The following WDR18 variants were observed in gnomAD, a reference collection of about 807,000 sequenced individuals.
WDR18 encodes WD repeat domain 18.
A neutral mutation model predicts 49.6 loss-of-function variants in WDR18; 33 were observed. The observed-to-expected ratio is 0.67, with a 90% CI of 0.50 to 0.89. The LOEUF (loss-of-function observed/expected upper bound fraction) is 0.89, where lower values mean the gene tolerates loss of function less well. Among genes scored for constraint, WDR18 ranks in the 40% least tolerant of loss-of-function variants. WDR18 has a pLI of 0.00. For missense variants in WDR18, 653 were observed against 593.6 expected, an observed-to-expected ratio of 1.10 and a Z score of -1.04; for synonymous variants, 315 against 263.6, an observed-to-expected ratio of 1.19 and a Z score of -1.89.
At chr19:984,774 G>C (rs1229963860) in intron 1 of WDR18, among the ~76,000 whole-genome samples, 2 of 151,916 alleles carry the variant, frequency 1.3e-5, no homozygotes, top group East Asian at 3.9e-4. Flanking sequence ...GCGGGGCTCA[G>C]GCCTGAGCTG....
In WDR18 at chr19:991,803, G is replaced by C. The variant is rs1378297853; in HGVS notation, c.932-152G>C. Reference sequence around the variant, plus strand: ...TGGGGCCTGGCTGGGGGCGTGGACTGGTCGTGGGGCGGGGCCTGGCTGGGG... The same window carrying C: ...TGGGGCCTGGCTGGGGGCGTGGACTCGTCGTGGGGCGGGGCCTGGCTGGGG... On this transcript the variant is annotated intron_variant, in intron 7 of 9. Coordinates refer to ENST00000585809, the MANE Select transcript of WDR18 (RefSeq NM_024100.4). 11 of 819,418 alleles carry C rather than the reference G, an allele frequency of 1.3e-5. No individual in the cohort carries two copies. In the African/African-American group the frequency reaches 1.6e-4, roughly 12 times the overall value. The allele number at this position is 819,418 out of a possible 1,614,324, so 50.8% of individuals were successfully genotyped here. A position where few individuals can be genotyped will look rare whatever the true frequency, so the allele number is the denominator to read the frequency against.
At position 994,270 on chromosome 19, in the gene WDR18, G is replaced by A. The variant is rs1214628671; in HGVS notation, c.1225G>A (p.Val409Met). The change falls in exon 10 of 10, where the codon GTG becomes ATG. Residue 409 changes from valine to methionine, a missense_variant. By Grantham distance (21) the Val-to-Met change is conservative. Transcript: ENST00000585809. ...CCGTGTGACGGAGCTGGAGGACGAG[G>A]TGCGCAACCTGCGCAAGATCAATCG... ...RVRVTELEDE[V>M]RNLRKINRDL... 3 of 1,609,866 alleles carry A rather than the reference G, an allele frequency of 1.9e-6. No homozygotes were observed. The highest frequency in any genetic ancestry group is 1.3e-5 in the African/African-American group (1 of 74,872).
At chr19:986,232 G>A (rs571074088) in intron 2 of WDR18, among the ~76,000 whole-genome samples, 5 of 152,326 alleles carry the variant, frequency 3.3e-5, no homozygotes, top group Middle Eastern at 3.4e-3. Flanking sequence ...CTCACACACC[G>A]CAGCATCTTC....
At position 991,156 on chromosome 19, in the gene WDR18, G is replaced by A; in HGVS notation, c.806+11G>A. ...CTTCAAAGGGCACAGGTGGGGACGT[G>A]GGAACGGGGCGGGGGCTCCCAGGCA... On this transcript the variant is annotated intron_variant, in intron 6 of 9. Transcript: ENST00000585809. 1 of 1,564,542 alleles carries A rather than the reference G, an allele frequency of 6.4e-7. No individual in the cohort carries two copies. The highest frequency in any genetic ancestry group is 8.7e-7 in the Non-Finnish European group (1 of 1,154,270).
intron 7 of WDR18, 85 bp from the exon 8 acceptor site, chr19:991,870 A>ACTTCC: frequency 8.1e-7 from 1 of 1,241,740 alleles, no homozygotes; most frequent in Non-Finnish European, 1.0e-6. Flanking sequence ...GGGGGCGGGG[A>ACTTCC]CTGCCCTGGA....
chr19:987,837 T>TTTTTTTTTTTTTTTTTTTC, intron 2 of WDR18, among the ~76,000 whole-genome samples: 1 of 38,744 alleles, frequency 2.6e-5, no homozygotes, highest in Non-Finnish European at 7.6e-5. Context: ...CAGTTTTTTT[T>TTTTTTTTTTTTTTTTTTTC]TTTTTTTTTT....
intron 8 of WDR18, 57 bp from the exon 9 acceptor site, chr19:993,963 A>G: frequency 6.5e-7 from 1 of 1,538,074 alleles, no homozygotes; most frequent in African/African-American, 1.4e-5. Context: ...GGGATGGGCA[A>G]AGCGTGTGGT....
chr19:990,477 G>A lies in WDR18; in HGVS notation c.597+113G>A, dbSNP rs2038530715. ...GCTCCCTGCTGTCAGGACTCCAGAC[G>A]GCTTTTAATCCCCTGGTGCTCTGAG... On this transcript the variant is annotated intron_variant, in intron 4 of 9. Transcript: ENST00000585809. The A allele has an allele frequency of 5.9e-6, 8 of 1,359,976 alleles. No homozygotes were observed. In the African/African-American group the frequency reaches 5.9e-5, roughly 10 times the overall value. The allele number at this position is 1,359,976 out of a possible 1,614,324, so 84.2% of individuals were successfully genotyped here. A position where few individuals can be genotyped will look rare whatever the true frequency, so the allele number is the denominator to read the frequency against.
intron 4 of WDR18, 176 bp from the exon 5 acceptor site, chr19:990,676 C>T: frequency 9.9e-7 from 1 of 1,010,314 alleles, no homozygotes; most frequent in East Asian, 2.8e-5. Flanking sequence ...AGCTCCATTT[C>T]AGCACAGGCC....
At chr19:983,419 C>T (rs1356201598), upstream of WDR18, among the ~76,000 whole-genome samples, 2 of 152,104 alleles carry the variant, frequency 1.3e-5, no homozygotes, top group Admixed American at 1.3e-4. Flanking sequence ...AGCCTCCCAC[C>T]ACGCCCGGCT....
rs1310000925 is a variant in WDR18, at chr19:991,066, T to A, written c.742-15T>A. On this transcript the variant is annotated splice_polypyrimidine_tract_variant and intron_variant, in intron 5 of 9. Coordinates refer to ENST00000585809, the MANE Select transcript of WDR18 (RefSeq NM_024100.4). ...GCATCGGGCCTGCGGCTCACACACG[T>A]CTCGGCCTTCGCAGCCCGGACAGAG... 2.5e-6 allele frequency: 4 copies of A among 1,603,612 alleles called. No homozygotes were observed. In the Middle Eastern group the frequency reaches 5.0e-4, roughly 200 times the overall value.
Position 991,006 on chromosome 19 carries a change from C to T in WDR18, c.741+11C>T, listed in dbSNP as rs775576262. ...GACCTCTTCACCTGGGTGAGTGCCG[C>T]GGTCTGCGGGCTGCACCCTGCCCTG... On this transcript the variant is annotated intron_variant, in intron 5 of 9. Coordinates refer to ENST00000585809, the MANE Select transcript of WDR18 (RefSeq NM_024100.4). 1.8e-5 allele frequency: 29 copies of T among 1,604,064 alleles called. No individual in the cohort carries two copies. The highest frequency in any genetic ancestry group is 4.5e-5 in the South Asian group (4 of 89,726).
At chr19:985,283 A>G (rs1004475232) in intron 1 of WDR18, among the ~76,000 whole-genome samples, 10 of 152,308 alleles carry the variant, frequency 6.6e-5, no homozygotes, top group African/African-American at 2.4e-4. Context: ...CTCGGGCCTC[A>G]GCCTCCTGAG....
chr19:993,012 C>G (rs2038580006), intron 8 of WDR18, among the ~76,000 whole-genome samples: 1 of 152,252 alleles, frequency 6.6e-6, no homozygotes, highest in South Asian at 2.1e-4. Context: ...TCCGTGCTTC[C>G]TCATGGAGTG....
chr19:992,390 G>A (rs1335993226), intron 8 of WDR18, among the ~76,000 whole-genome samples: 1 of 152,234 alleles, frequency 6.6e-6, no homozygotes, highest in Non-Finnish European at 1.5e-5. Flanking sequence ...GCCTTCCTGC[G>A]GCTGGATATC....
chr19:989,635 G>A, intron 2 of WDR18, 127 bp from the exon 3 acceptor site: 3 of 1,376,542 alleles, frequency 2.2e-6, no homozygotes, highest in Admixed American at 2.1e-5. Context: ...CCGCAGTCCT[G>A]GGGCAGGGCA....
At chr19:991,895 G>A in intron 7 of WDR18, 60 bp from the exon 8 acceptor site, 2 of 1,410,158 alleles carry the variant, frequency 1.4e-6, no homozygotes, top group Middle Eastern at 5.2e-4. Context: ...GCGGAACTTG[G>A]CTTGCTGTGG....
rs139719986 is a variant in WDR18, at chr19:992,948, G to A, written c.1098+827G>A. On this transcript the variant is annotated intron_variant, in intron 8 of 9. Transcript: ENST00000585809. ...TGATTTTTTTATCTGGAGGGTGCCC[G>A]ACAGCCTGATGGCCTGACAGGCCCT... is the stretch of plus-strand genomic sequence containing the variant. 3.1e-3 allele frequency among the ~76,000 whole-genome samples: 476 copies of A among 152,340 alleles called. 3 individuals carry two copies. Among genetic ancestry groups the A allele is most frequent in the African/African-American group, 0.011 (451 of 41,586 alleles).
rs201905558 is a variant in WDR18 at position 990,899 on chromosome 19, C to T, written c.645C>T (p.Asp215=). 186 of 1,612,524 alleles carry T rather than the reference C, an allele frequency of 1.2e-4. No homozygotes were observed. Among genetic ancestry groups the T allele is most frequent in the Non-Finnish European group, 1.4e-4 (163 of 1,179,822 alleles). Residue 215 remains aspartate (D), a synonymous_variant, in exon 5 of 10, where the codon GAC becomes GAT. Coordinates refer to ENST00000585809, the MANE Select transcript of WDR18 (RefSeq NM_024100.4). ...AGCTGCTGCTCTCCGTCCTCTTTGACGTGTCCATCATGGCAGTGACCATGG... is the reference window on the plus strand; with the variant it reads ...AGCTGCTGCTCTCCGTCCTCTTTGATGTGTCCATCATGGCAGTGACCATGG... ...SGELLLSVLF[D]VSIMAVTMDL...
Sources: allele counts gnomAD v4.1 joint callset (sites outside exome capture counted in the v4.1 genomes callset), GRCh38; gene constraint gnomAD v4.1.1; transcripts MANE v1.5; gene names NCBI Gene and HGNC (gene_info 2026-07-23, HGNC 2026-07-21).